PIGB: variants seen among roughly 807,000 people sequenced by gnomAD.
The protein encoded by PIGB is GPI alpha-1,2-mannosyltransferase 3.
Under a neutral mutation model 68.4 loss-of-function variants are expected in PIGB, and 58 were observed. The observed-to-expected ratio is 0.85, with a 90% CI of 0.69 to 1.06. The LOEUF is 1.06. PIGB is among the 50% of genes least tolerant of loss of function. PIGB has a pLI of 0.00. For missense variants in PIGB, 634 were observed against 655.8 expected, an observed-to-expected ratio of 0.97 and a Z score of 0.36; for synonymous variants, 219 against 220.5, an observed-to-expected ratio of 0.99 and a Z score of 0.06.
At chr15:55,350,960 T>C (rs768673619) in intron 10 of PIGB, 48 bp downstream of exon 10, 2 of 923,762 alleles carry the variant, frequency 2.2e-6, no homozygotes, top group East Asian at 2.5e-5. Context: ...TGAAACTGAC[T>C]ACTTTAAAAT....
chr15:55,350,416 A>G (rs1382796762), intron 9 of PIGB: 2 of 398,920 alleles, frequency 5.0e-6, no homozygotes, highest in Non-Finnish European at 8.9e-6. Context: ...TGACCAGCAA[A>G]GTAAAACGAC....
chr15:55,322,932 G>A (rs901340531), intron 3 of PIGB, among the ~76,000 whole-genome samples: 9 of 152,164 alleles, frequency 5.9e-5, no homozygotes, highest in Non-Finnish European at 8.8e-5. Flanking sequence ...ATCCCAGGAA[G>A]TAGGTCAGAT....
intron 3 of PIGB, among the ~76,000 whole-genome samples, chr15:55,325,109 C>T (rs1039355466): frequency 4.0e-5 from 6 of 151,826 alleles, no homozygotes; most frequent in African/African-American, 1.5e-4. Context: ...GGTGGATCAC[C>T]TGAGGTCAGG....
intron 5 of PIGB, among the ~76,000 whole-genome samples, chr15:55,330,328 C>G (rs11071181): frequency 0.32 from 48,746 of 152,068 alleles, 8,655 homozygotes; most frequent in East Asian, 0.56. Context: ...AGCCAGAAAG[C>G]AAGGTAGCCA....
At chr15:55,322,917 T>A (rs2055199246) in intron 3 of PIGB, among the ~76,000 whole-genome samples, 1 of 152,110 alleles carries the variant, frequency 6.6e-6, no homozygotes, top group Non-Finnish European at 1.5e-5. Context: ...TCAATGACAG[T>A]TTATATCCCA....
intron 8 of PIGB, among the ~76,000 whole-genome samples, chr15:55,341,304 T>C (rs972068093): frequency 2.0e-5 from 3 of 152,212 alleles, no homozygotes; most frequent in Non-Finnish European, 4.4e-5. Flanking sequence ...AAGGTTGCAG[T>C]GAGCTATGAT....
chr15:55,350,581 AT>A, intron 9 of PIGB, 117 bp from the exon 10 acceptor site: 3 of 700,374 alleles, frequency 4.3e-6, no homozygotes, highest in South Asian at 1.7e-5. Context: ...CTTATTTCTT[AT>A]TTGTCTATAA....
rs182235647 is a variant in PIGB at position 55,336,744 on chromosome 15, T to C, written c.795-2523T>C. On this transcript the variant is annotated intron_variant, in intron 6 of 11. Transcript: ENST00000164305. ...GGCTCACGCCTATAATCCCAGCACT[T>C]TGGGAGGCTGAGGCAGGCACATCAC... Among the ~76,000 whole-genome samples the C allele has an allele frequency of 2.3e-3, 356 of 152,298 alleles. 1 individual carries two copies. The highest frequency in any genetic ancestry group is 8.0e-3 in the African/African-American group (334 of 41,568).
Position 55,339,275 on chromosome 15 carries a change from C to T in PIGB, c.803C>T (p.Thr268Ile), listed in dbSNP as rs200360379. ...LHHFLPVGFVTLSLSLMIDRI... is the reference protein window; with the variant it reads ...LHHFLPVGFVILSLSLMIDRI... The stretch of plus-strand genomic sequence containing the variant: ...CTATTTTTGTTTTTCAGCTTTGTTA[C>T]TTTGAGTTTGTCTCTGATGATTGAT... Residue 268 changes from threonine to isoleucine, a missense_variant, in exon 7 of 12, where the codon ACT (threonine) becomes ATT (isoleucine). Thr to Ile is a moderately conservative substitution (Grantham distance 89). Coordinates refer to ENST00000164305, the MANE Select transcript of PIGB (RefSeq NM_004855.5). 2.0e-5 allele frequency: 31 copies of T among 1,551,602 alleles called. No individual in the cohort carries two copies. The highest frequency in any genetic ancestry group is 2.4e-5 in the South Asian group (2 of 83,518).
At chr15:55,354,691 T>A (rs1487454673) in intron 10 of PIGB, 107 bp from the exon 11 acceptor site, 1 of 828,342 alleles carries the variant, frequency 1.2e-6, no homozygotes, top group African/African-American at 1.8e-5. Flanking sequence ...CAACACAGTT[T>A]ACAGATTCAG....
intron 4 of PIGB, 70 bp downstream of exon 4, chr15:55,327,705 C>A: frequency 2.4e-6 from 2 of 847,678 alleles, no homozygotes; most frequent in Non-Finnish European, 3.9e-6. Flanking sequence ...CACATGGAAA[C>A]ATTGATTCCC....
chr15:55,352,041 C>T (rs1385141446), intron 10 of PIGB, among the ~76,000 whole-genome samples: 5 of 148,590 alleles, frequency 3.4e-5, no homozygotes, highest in African/African-American at 9.9e-5. Flanking sequence ...CTCTGCCTCC[C>T]GGGTTCAAGC....
chr15:55,351,549 A>C (rs1167288547), intron 10 of PIGB: 3 of 152,128 alleles, frequency 2.0e-5, no homozygotes, highest in African/African-American at 4.8e-5. Context: ...TCTGTGATAC[A>C]TCTTTACACA....
chr15:55,353,414 T>G (rs1029753149), intron 10 of PIGB, among the ~76,000 whole-genome samples: 1 of 152,256 alleles, frequency 6.6e-6, no homozygotes, highest in Non-Finnish European at 1.5e-5. Flanking sequence ...CATTTAATTT[T>G]TATGCATTTC....
intron 5 of PIGB, among the ~76,000 whole-genome samples, chr15:55,331,662 G>A (rs1438665703): frequency 2.0e-5 from 3 of 152,030 alleles, no homozygotes; most frequent in East Asian, 3.9e-4. Context: ...GCAGTCAGTC[G>A]AGGTCACACG....
chr15:55,332,032 C>T (rs1038489204), intron 5 of PIGB, among the ~76,000 whole-genome samples: 6 of 151,712 alleles, frequency 4.0e-5, no homozygotes, highest in Non-Finnish European at 5.9e-5. Flanking sequence ...GGCTGGAGTA[C>T]AGTGGCTCCA....
At position 55,350,833 on chromosome 15, in the gene PIGB, A is replaced by C. The variant is rs374531998; in HGVS notation, c.1258A>C (p.Lys420Gln). ...TCTTGATGTCATGAGTCATATTCAA[A>C]AAGTTTGTTACAACAATCCCAATAA... Reference protein sequence around the residue: ...GTLDVMSHIQKVCYNNPNKSS... With the variant: ...GTLDVMSHIQQVCYNNPNKSS... Residue 420 changes from lysine (K) to glutamine (Q), a missense_variant, in exon 10 of 12, where the codon AAA (lysine) becomes CAA (glutamine). Physicochemically the swap from Lys to Gln is moderately conservative, Grantham distance 53 (BLOSUM62 1). Coordinates refer to ENST00000164305, the MANE Select transcript of PIGB (RefSeq NM_004855.5). The C allele has an allele frequency of 1.2e-6, 2 of 1,611,564 alleles. No individual in the cohort carries two copies. The highest frequency in any genetic ancestry group is 1.7e-6 in the Non-Finnish European group (2 of 1,177,932).
Position 55,320,343 on chromosome 15 carries a change from G to A in PIGB, c.232G>A (p.Val78Met), listed in dbSNP as rs2055134474. 1.2e-6 allele frequency: 2 copies of A among 1,613,112 alleles called. No homozygotes were observed. Among genetic ancestry groups the A allele is most frequent in the Non-Finnish European group, 1.7e-6 (2 of 1,179,278 alleles). ...IALRILNCFLVQTSFVPDEYW... is the reference protein window; with the variant it reads ...IALRILNCFLMQTSFVPDEYW... The stretch of plus-strand genomic sequence containing the variant: ...TTTACGAATATTAAACTGCTTTTTA[G>A]TGCAGACAAGTTTTGTTCCAGATGA... Residue 78 changes from valine (V) to methionine (M), a missense_variant, in exon 2 of 12, where the codon GTG (valine) becomes ATG (methionine). Coordinates refer to ENST00000164305, the MANE Select transcript of PIGB (RefSeq NM_004855.5).
intron 5 of PIGB, 55 bp downstream of exon 5, chr15:55,329,909 T>A: frequency 7.5e-7 from 1 of 1,332,200 alleles, no homozygotes; most frequent in Non-Finnish European, 1.1e-6. Context: ...TGAAAAATCT[T>A]AAATATCAAC....
Sources: gnomAD v4.1 joint callset for allele counts (sites outside exome capture counted in the v4.1 genomes callset) on GRCh38, gnomAD v4.1.1 for gene constraint, MANE v1.5 for transcripts, NCBI Gene and HGNC (gene_info 2026-07-23, HGNC 2026-07-21) for gene names.